The following RPH3AL variants were observed in gnomAD, a reference collection of about 807,000 sequenced individuals.
RPH3AL encodes the protein rab effector Noc2.
RPH3AL carries 38 observed loss-of-function variants against 43.1 expected under a neutral mutation model. That is an observed-to-expected ratio of 0.88 (90% CI 0.68 to 1.15). RPH3AL has a LOEUF of 1.15. RPH3AL is among the 50% of genes most tolerant of loss of function. RPH3AL has a pLI of 0.00. For synonymous variants in RPH3AL, 189 were observed against 176.3 expected, an observed-to-expected ratio of 1.07 and a Z score of -0.57; for missense variants, 462 against 423.2, an observed-to-expected ratio of 1.09 and a Z score of -0.81.
intron 6 of RPH3AL, among the ~76,000 whole-genome samples, chr17:272,800 T>C (rs144497758): frequency 7.9e-4 from 116 of 146,172 alleles, no homozygotes; most frequent in Non-Finnish European, 1.3e-3. Context: ...CAAAAAACCA[T>C]GTAAGACCAA....
Position 284,700 on chromosome 17 carries a change from T to G in RPH3AL, c.352-2846A>C, listed in dbSNP as rs979292291. Among the ~76,000 whole-genome samples the G allele has an allele frequency of 2.6e-5, 4 of 152,104 alleles. No individual in the cohort carries two copies. In the East Asian group the frequency reaches 7.7e-4, roughly 29 times the overall value. The stretch of plus-strand genomic sequence containing the variant: ...CTCTCCCCCGGGGGCCGCCTTCCCC[T>G]ATGCACACAGCCAAGGGGGAGAGGA... On this transcript the variant is annotated intron_variant, in intron 5 of 9. Transcript: ENST00000331302.
In RPH3AL at chr17:328,102, CAG is replaced by C. The variant is rs1207808033; in HGVS notation, c.-36-525_-36-524del. Among the ~76,000 whole-genome samples, 4 of 152,096 alleles carry C rather than the reference CAG, an allele frequency of 2.6e-5. No individual in the cohort carries two copies. The highest frequency in any genetic ancestry group is 9.7e-5 in the African/African-American group (4 of 41,412). On this transcript the variant is annotated intron_variant, in intron 2 of 9. Transcript: ENST00000331302. This position sits in a 1 kb window ranked among gnomAD's most constrained non-coding sequence, Gnocchi z 4.2. ...ATGCCCTCGAGGGCAGGCAAGAGGG[CAG>C]GGGGTGGCAGCTACAGCCAGGATTG...
intron 7 of RPH3AL, among the ~76,000 whole-genome samples, chr17:243,296 A>C (rs545636657): frequency 5.2e-5 from 7 of 135,512 alleles, no homozygotes; most frequent in African/African-American, 2.0e-4. Flanking sequence ...TCCTCTATTG[A>C]TTACCTTTCC....
intron 2 of RPH3AL, chr17:331,930 G>A: frequency 8.1e-7 from 1 of 1,230,298 alleles, no homozygotes; most frequent in Non-Finnish European, 1.1e-6. Context: ...CCTTATAGAA[G>A]GTGAGTGGAA....
chr17:260,454 G>C (rs114071098), intron 6 of RPH3AL, among the ~76,000 whole-genome samples: 1 of 152,148 alleles, frequency 6.6e-6, no homozygotes, highest in African/African-American at 2.4e-5. Flanking sequence ...GTTACTGACC[G>C]ACCACATGAA....
chr17:304,239 T>A (rs901746780), intron 5 of RPH3AL, among the ~76,000 whole-genome samples: 1 of 149,688 alleles, frequency 6.7e-6, no homozygotes, highest in Non-Finnish European at 1.5e-5. Flanking sequence ...GTTTTAAGAG[T>A]TTATCACATA....
At chr17:247,495 C>T (rs1438184630) in intron 6 of RPH3AL, 2 of 531,598 alleles carry the variant, frequency 3.8e-6, no homozygotes, top group Admixed American at 3.5e-5. Flanking sequence ...CTTTCTCTCC[C>T]TTATTTTAGA....
At chr17:284,304 A>G (rs1192925328) in intron 5 of RPH3AL, among the ~76,000 whole-genome samples, 1 of 152,194 alleles carries the variant, frequency 6.6e-6, no homozygotes, top group Non-Finnish European at 1.5e-5. Context: ...CCGAGGTCAC[A>G]CAGCTCGTTC....
intron 7 of RPH3AL, among the ~76,000 whole-genome samples, chr17:222,846 C>T (rs1343252820): frequency 6.6e-6 from 1 of 152,192 alleles, no homozygotes; most frequent in African/African-American, 2.4e-5. Context: ...CCACAGTTGT[C>T]CTGCCCACCC....
intron 7 of RPH3AL, among the ~76,000 whole-genome samples, chr17:220,022 G>A (rs964813665): frequency 1.4e-4 from 21 of 152,144 alleles, no homozygotes; most frequent in African/African-American, 4.1e-4. Flanking sequence ...GACAACCCCT[G>A]TTCTAGTTCC....
intron 6 of RPH3AL, among the ~76,000 whole-genome samples, chr17:262,790 G>A (rs2042231685): frequency 6.6e-6 from 1 of 152,120 alleles, no homozygotes. Context: ...CTAAATCAGT[G>A]GAGAGTCAGG....
At chr17:313,239 C>T (rs573241775) in intron 5 of RPH3AL, among the ~76,000 whole-genome samples, 10 of 152,304 alleles carry the variant, frequency 6.6e-5, no homozygotes, top group African/African-American at 1.7e-4. Context: ...CTCCCAGTGA[C>T]GGCCATCACC....
chr17:258,961 C>T (rs1322022273), intron 6 of RPH3AL, among the ~76,000 whole-genome samples: 1 of 152,078 alleles, frequency 6.6e-6, no homozygotes, highest in Non-Finnish European at 1.5e-5. Context: ...AAAAGCCCGT[C>T]AACTTCATAC....
chr17:313,485 A>G (rs2043702061), intron 5 of RPH3AL, among the ~76,000 whole-genome samples: 1 of 152,122 alleles, frequency 6.6e-6, no homozygotes, highest in Admixed American at 6.6e-5. Flanking sequence ...GTTCCAGGGG[A>G]AACTTGCCGT....
intron 4 of RPH3AL, 59 bp downstream of exon 4, chr17:321,213 T>C: frequency 6.4e-7 from 1 of 1,566,962 alleles, no homozygotes; most frequent in East Asian, 2.3e-5. Context: ...CCCAGTCCCC[T>C]GCGCTTGCGC....
chr17:298,761 T>A (rs147482123), intron 5 of RPH3AL, among the ~76,000 whole-genome samples: 1 of 152,058 alleles, frequency 6.6e-6, no homozygotes, highest in East Asian at 1.9e-4. Flanking sequence ...TTATCTTTTA[T>A]CTGAAAAATA....
chr17:278,866 G>C (rs1567609434), intron 6 of RPH3AL, among the ~76,000 whole-genome samples: 2 of 152,138 alleles, frequency 1.3e-5, no homozygotes, highest in Admixed American at 6.5e-5. Flanking sequence ...CCTGGTGAAA[G>C]GGCATAACAC....
chr17:292,131 T>G (rs7501992), intron 5 of RPH3AL, among the ~76,000 whole-genome samples: 144,857 of 152,224 alleles, frequency 0.95, 69,306 homozygotes, highest in East Asian at 1. Flanking sequence ...TGTGGCTCAA[T>G]TGTAATCAGG....
chr17:234,791 G>T (rs1175065622), intron 7 of RPH3AL, among the ~76,000 whole-genome samples: 1 of 152,210 alleles, frequency 6.6e-6, no homozygotes, highest in African/African-American at 2.4e-5. Flanking sequence ...AAAATACGGG[G>T]GTGGGGAGTG....
Sources: gnomAD v4.1 joint callset for allele counts (sites outside exome capture counted in the v4.1 genomes callset) on GRCh38, gnomAD v4.1.1 for gene constraint, Gnocchi (gnomAD v3.1) non-coding constraint, MANE v1.5 for transcripts, NCBI Gene and HGNC (gene_info 2026-07-23, HGNC 2026-07-21) for gene names.